Variants in GATB observed in about 807,000 individuals in gnomAD.
The protein encoded by GATB is glutamyl-tRNA amidotransferase subunit B.
GATB carries 39 observed loss-of-function variants against 62.3 expected under a neutral mutation model. The observed-to-expected ratio is 0.63, with a 90% CI of 0.48 to 0.82. The LOEUF (loss-of-function observed/expected upper bound fraction) is 0.82, where lower values mean the gene tolerates loss of function less well. Among genes scored for constraint, GATB ranks in the 40% least tolerant of loss-of-function variants. The pLI, the probability that GATB is intolerant of heterozygous loss-of-function variation, is 0.00. For missense variants in GATB, 670 were observed against 684.0 expected, an observed-to-expected ratio of 0.98 and a Z score of 0.23; for synonymous variants, 276 against 258.9, an observed-to-expected ratio of 1.07 and a Z score of -0.63.
At chr4:151,704,524 G>C (rs1738672464) in intron 7 of GATB, among the ~76,000 whole-genome samples, 1 of 151,936 alleles carries the variant, frequency 6.6e-6, no homozygotes, top group South Asian at 2.1e-4. Context: ...CACTATCTCG[G>C]CTCACTGCAA....
At chr4:151,732,714 TAAAAAA>T (rs371222321) in intron 2 of GATB, among the ~76,000 whole-genome samples, 1 of 66,378 alleles carries the variant, frequency 1.5e-5, no homozygotes, top group Admixed American at 1.6e-4. Context: ...GAATGATCAA[TAAAAAA>T]AAAAAAAAAA....
At chr4:151,694,330 T>G (rs1394210406) in intron 9 of GATB, among the ~76,000 whole-genome samples, 2 of 152,138 alleles carry the variant, frequency 1.3e-5, no homozygotes, top group African/African-American at 4.8e-5. Flanking sequence ...CCCTGCACTG[T>G]CTCCCTACTG....
intron 9 of GATB, among the ~76,000 whole-genome samples, chr4:151,689,694 C>T (rs977984636): frequency 2.0e-5 from 3 of 151,874 alleles, no homozygotes; most frequent in African/African-American, 4.8e-5. Context: ...TATCAGCAGA[C>T]GGAATTGGTG....
intron 5 of GATB, among the ~76,000 whole-genome samples, chr4:151,710,077 A>T (rs899288713): frequency 3.3e-5 from 5 of 152,152 alleles, no homozygotes; most frequent in Admixed American, 6.5e-5. Context: ...CTCCTCAGCA[A>T]GCTGGCCTGC....
intron 9 of GATB, among the ~76,000 whole-genome samples, chr4:151,696,813 G>A (rs1738480407): frequency 6.6e-6 from 1 of 152,230 alleles, no homozygotes; most frequent in Admixed American, 6.5e-5. Context: ...ATCAGCCAGG[G>A]AGGATTTTGC....
At position 151,671,262 on chromosome 4, in the gene GATB, T is replaced by G; in HGVS notation, c.1586A>C (p.Lys529Thr). 6.2e-7 allele frequency: 1 copy of G among 1,613,950 alleles called. No homozygotes were observed. Among genetic ancestry groups the G allele is most frequent in the Non-Finnish European group, 8.5e-7 (1 of 1,179,888 alleles). The change falls in exon 13 of 13, where the codon AAA becomes ACA. Residue 529 changes from lysine (K) to threonine (T), a missense_variant. Lys to Thr is a moderately conservative substitution (Grantham distance 78). Transcript: ENST00000263985. The part of the protein sequence containing the change: ...VKNRNPRAIN[K>T]LIGLVRKATQ... ...CGCTTTCCGGACCAACCCAATCAGT[T>G]TATTTATAGCTCTGGGGTTTCTGTT...
At position 151,735,734 on chromosome 4, in the gene GATB, G is replaced by GTA. The variant is rs1491213513; in HGVS notation, c.328-16197_328-16196insTA. ...TCAACAAGTGGATAAATAAACTGTG[G>GTA]TGTATATATATATATATATATATGA... On this transcript the variant is annotated intron_variant, in intron 2 of 12. Coordinates refer to ENST00000263985, the MANE Select transcript of GATB (RefSeq NM_004564.3). 1.8e-3 allele frequency among the ~76,000 whole-genome samples: 165 copies of GTA among 93,528 alleles called. 17 individuals are homozygous for GTA. Among genetic ancestry groups the GTA allele is most frequent in the Middle Eastern group, 5.3e-3 (1 of 188 alleles). 61.4% of individuals were successfully genotyped at this position (93,528 alleles called of 152,430 possible).
At position 151,752,666 on chromosome 4, in the gene GATB, A is replaced by G. The variant is rs944655129; in HGVS notation, c.327+6106T>C. ...TTCAAAGAGGCAGCTACCTTCCCTT[A>G]TCTCTCTGAGGACATTTATAAAAGC... On this transcript the variant is annotated intron_variant, in intron 2 of 12. Transcript: ENST00000263985. Among the ~76,000 whole-genome samples the G allele has an allele frequency of 2.6e-5, 4 of 152,270 alleles. No individual in the cohort carries two copies. In the South Asian group the frequency reaches 6.2e-4, roughly 24 times the overall value.
intron 9 of GATB, among the ~76,000 whole-genome samples, chr4:151,689,388 GA>G (rs2126961352): frequency 6.6e-6 from 1 of 152,294 alleles, no homozygotes; most frequent in Non-Finnish European, 1.5e-5. Context: ...ATAACAGGTG[GA>G]GAGGGCAGCA....
chr4:151,693,219 T>C (rs1216894424), intron 9 of GATB, among the ~76,000 whole-genome samples: 1 of 151,718 alleles, frequency 6.6e-6, no homozygotes, highest in Non-Finnish European at 1.5e-5. Flanking sequence ...ATGCTAGTGC[T>C]GGGGATGGCA....
intron 3 of GATB, among the ~76,000 whole-genome samples, chr4:151,719,068 T>C (rs1019300937): frequency 2.6e-5 from 4 of 152,254 alleles, no homozygotes; most frequent in East Asian, 3.8e-4. Flanking sequence ...AACTACAGTA[T>C]GCATTTACTG....
intron 2 of GATB, among the ~76,000 whole-genome samples, chr4:151,734,926 T>C (rs533746135): frequency 1.3e-5 from 2 of 152,166 alleles, no homozygotes; most frequent in East Asian, 3.9e-4. Flanking sequence ...TATACAAAAA[T>C]CAACTCAAGA....
chr4:151,693,982 T>C (rs1334558914), intron 9 of GATB, among the ~76,000 whole-genome samples: 1 of 152,206 alleles, frequency 6.6e-6, no homozygotes, highest in African/African-American at 2.4e-5. Flanking sequence ...AGACCGGCAC[T>C]GCTAAAAGAC....
rs1010110881 is a variant in GATB at position 151,670,540 on chromosome 4, G to C, written c.*634C>G. 1.3e-5 allele frequency: 2 copies of C among 152,084 alleles called. No homozygotes were observed. Among genetic ancestry groups the C allele is most frequent in the Non-Finnish European group, 2.9e-5 (2 of 68,026 alleles). The allele number at this position is 152,084 out of a possible 1,614,324, so 9.4% of individuals were successfully genotyped here. A position where few individuals can be genotyped will look rare whatever the true frequency, so the allele number is the denominator to read the frequency against. On this transcript the variant is annotated 3_prime_UTR_variant, in exon 13 of 13. Coordinates refer to ENST00000263985, the MANE Select transcript of GATB (RefSeq NM_004564.3). ...CATTTATTCTCAGACTGTGCCTTCT[G>C]GGATGGGGAGGGAGTTTAACAGGCA... is the stretch of plus-strand genomic sequence containing the variant.
In GATB at chr4:151,760,937, C is replaced by T. The variant is rs2127004029; in HGVS notation, c.46G>A (p.Ala16Thr). ...GAACCACCGTCAACCCGGGCGAAAG[C>T]CCAACGTCTTCCACGGCAGCCCCAG... ...LRWGCRGRRW[A>T]FARVDGGSCH... Residue 16 changes from alanine (A) to threonine (T), a missense_variant, in exon 1 of 13, where the codon GCT (alanine) becomes ACT (threonine). Transcript: ENST00000263985. The T allele has an allele frequency of 6.2e-7, 1 of 1,613,760 alleles. No homozygotes were observed. The highest frequency in any genetic ancestry group is 8.5e-7 in the Non-Finnish European group (1 of 1,179,930).
intron 11 of GATB, 29 bp from the exon 12 acceptor site, chr4:151,672,925 G>A (rs1194241068): frequency 6.2e-7 from 1 of 1,612,140 alleles, no homozygotes; most frequent in Non-Finnish European, 8.5e-7. Context: ...AGAGGAAAGA[G>A]AAATGAGAAG....
chr4:151,747,753 C>T (rs992372147), intron 2 of GATB, among the ~76,000 whole-genome samples: 2 of 152,078 alleles, frequency 1.3e-5, no homozygotes, highest in African/African-American at 2.4e-5. Context: ...CAAGTGCCAA[C>T]GGGAAATAAA....
In GATB at chr4:151,758,982, A is replaced by G. The variant is rs549854368; in HGVS notation, c.177-60T>C. 1,038 of 1,257,614 alleles carry G rather than the reference A, an allele frequency of 8.3e-4. 4 individuals carry two copies. Among genetic ancestry groups the G allele is most frequent in the Middle Eastern group, 4.8e-3 (25 of 5,200 alleles). The allele number at this position is 1,257,614 out of a possible 1,614,324, so 77.9% of individuals were successfully genotyped here. On this transcript the variant is annotated intron_variant, in intron 1 of 12. Transcript: ENST00000263985. ...TATTTGTCACCATGAATGAATTTCT[A>G]TAAGTCTAAACCACAAATGTTAATT...
chr4:151,672,950 A>G lies in GATB; in HGVS notation c.1411-54T>C. Reference sequence around the variant, plus strand: ...GAAATGAGAAGTCAGCTCTTCTGCCAGCTCCATTTGCAGTGCTGTGCTGTG... The same window carrying G: ...GAAATGAGAAGTCAGCTCTTCTGCCGGCTCCATTTGCAGTGCTGTGCTGTG... On this transcript the variant is annotated intron_variant, in intron 11 of 12. Coordinates refer to ENST00000263985, the MANE Select transcript of GATB (RefSeq NM_004564.3). The G allele has an allele frequency of 1.2e-6, 2 of 1,600,884 alleles. 1 individual carries two copies. The highest frequency in any genetic ancestry group is 3.3e-4 in the Middle Eastern group (2 of 5,992).
Sources: allele counts gnomAD v4.1 joint callset (sites outside exome capture counted in the v4.1 genomes callset), GRCh38; gene constraint gnomAD v4.1.1; transcripts MANE v1.5; gene names NCBI Gene and HGNC (gene_info 2026-07-23, HGNC 2026-07-21).